Variants in SENP1 observed in about 807,000 individuals in gnomAD.
SENP1 encodes sentrin-specific protease 1.
A neutral mutation model predicts 93.0 loss-of-function variants in SENP1; 21 were observed. The observed-to-expected ratio is 0.23, with a 90% CI of 0.16 to 0.33. SENP1 has a LOEUF of 0.33. Ranked by LOEUF, SENP1 falls within the 10% of genes least tolerant of loss-of-function variation. The probability of loss-of-function intolerance (pLI) is 1.00; values close to 1 mark genes in which losing one functional copy is unlikely to be tolerated. For synonymous variants in SENP1, 256 were observed against 259.6 expected (o/e 0.99, Z 0.13); for missense variants, 591 against 758.7 (o/e 0.78, Z 2.60).
chr12:48,050,312 C>T (rs915212459), intron 13 of SENP1, among the ~76,000 whole-genome samples: 5 of 152,198 alleles, frequency 3.3e-5, no homozygotes, highest in Non-Finnish European at 4.4e-5. Context: ...CAGTAAGCAA[C>T]GACATACTGG....
intron 4 of SENP1, among the ~76,000 whole-genome samples, chr12:48,092,503 C>T (rs1945285375): frequency 6.6e-6 from 1 of 152,058 alleles, no homozygotes; most frequent in African/African-American, 2.4e-5. Flanking sequence ...AGAAAGGGAC[C>T]TTTGATGTCT....
At chr12:48,064,063 C>T (rs1031829130) in intron 12 of SENP1, among the ~76,000 whole-genome samples, 1 of 152,152 alleles carries the variant, frequency 6.6e-6, no homozygotes, top group Non-Finnish European at 1.5e-5. Context: ...TCTTTTTCAG[C>T]ACAACATTCA....
chr12:48,079,916 C>T (rs937439243), intron 6 of SENP1, among the ~76,000 whole-genome samples: 1 of 152,098 alleles, frequency 6.6e-6, no homozygotes. Context: ...GTCCCAAATG[C>T]TTGACTTATG....
intron 6 of SENP1, among the ~76,000 whole-genome samples, chr12:48,078,342 CATAT>C (rs1221230274): frequency 1.9e-4 from 4 of 21,550 alleles, no homozygotes; most frequent in Non-Finnish European, 4.4e-4. Context: ...TATACACACA[CATAT>C]ATATATACAC....
intron 4 of SENP1, among the ~76,000 whole-genome samples, chr12:48,094,790 AT>A (rs1945444828): frequency 6.6e-6 from 1 of 152,186 alleles, no homozygotes; most frequent in African/African-American, 2.4e-5. Flanking sequence ...TTATTAAGTA[AT>A]TGTTTTTAAC....
At chr12:48,088,535 A>C in intron 5 of SENP1, 1 of 415,444 alleles carries the variant, frequency 2.4e-6, no homozygotes, top group Non-Finnish European at 4.3e-6. Context: ...CAAGAGCCAT[A>C]TTGATCTTGA....
At chr12:48,089,274 A>T (rs1451840653) in intron 4 of SENP1, 1 of 1,384,954 alleles carries the variant, frequency 7.2e-7, no homozygotes, top group East Asian at 4.1e-5. Context: ...TATATCTTGC[A>T]AGCACTCCCA....
At chr12:48,047,121 A>ATTCTTAGTGTGGCAG in intron 15 of SENP1, 59 bp from the exon 16 acceptor site, 1 of 1,057,528 alleles carries the variant, frequency 9.5e-7, no homozygotes, top group Non-Finnish European at 1.5e-6. Context: ...CAGCTGCCAC[A>ATTCTTAGTGTGGCAG]CTAAGAATGG....
chr12:48,046,845 C>T lies in SENP1; in HGVS notation c.1776+133G>A, dbSNP rs929658703. 3 of 626,984 alleles carry T rather than the reference C, an allele frequency of 4.8e-6. No individual in the cohort carries two copies. In the African/African-American group the frequency reaches 5.5e-5, roughly 12 times the overall value. The allele number at this position is 626,984 out of a possible 1,614,324, so 38.8% of individuals were successfully genotyped here. A position where few individuals can be genotyped will look rare whatever the true frequency, so the allele number is the denominator to read the frequency against. ...TACGGATAGCTTAATTTATCCTCCC[C>T]CAGAAACCAACCAACCAAGCTGAAG... On this transcript the variant is annotated intron_variant, in intron 16 of 17. Transcript: ENST00000549518.
chr12:48,049,458 A>G (rs1159755196), intron 13 of SENP1, among the ~76,000 whole-genome samples: 5 of 152,322 alleles, frequency 3.3e-5, no homozygotes, highest in Middle Eastern at 3.4e-3. Flanking sequence ...AGGCTTACAG[A>G]AAAGGAGAGG....
At chr12:48,058,492 C>T (rs1942738623) in intron 13 of SENP1, among the ~76,000 whole-genome samples, 1 of 151,932 alleles carries the variant, frequency 6.6e-6, no homozygotes, top group Non-Finnish European at 1.5e-5. Context: ...ATATATCTTG[C>T]TTTTAATTTT....
chr12:48,058,848 T>C (rs941007585), intron 13 of SENP1, among the ~76,000 whole-genome samples: 2 of 152,180 alleles, frequency 1.3e-5, no homozygotes, highest in Non-Finnish European at 2.9e-5. Flanking sequence ...ATGCATTTGT[T>C]TGTCTGGAAA....
At chr12:48,046,007 A>G (rs2136728466) in intron 17 of SENP1, among the ~76,000 whole-genome samples, 1 of 152,308 alleles carries the variant, frequency 6.6e-6, no homozygotes, top group East Asian at 1.9e-4. Context: ...GGTATGGCCT[A>G]TTCCCAAACC....
At chr12:48,076,974 T>C (rs749572640) in intron 6 of SENP1, among the ~76,000 whole-genome samples, 45 of 152,156 alleles carry the variant, frequency 3.0e-4, no homozygotes, top group Non-Finnish European at 6.0e-4. Context: ...CTTGGTCTCC[T>C]TCCACCCTCC....
At chr12:48,093,509 C>G (rs1239856102) in intron 4 of SENP1, among the ~76,000 whole-genome samples, 2 of 151,842 alleles carry the variant, frequency 1.3e-5, no homozygotes, top group Non-Finnish European at 2.9e-5. Context: ...GTCTCGAATG[C>G]CTGACCTCCG....
chr12:48,099,930 T>C (rs1945809643), intron 2 of SENP1, among the ~76,000 whole-genome samples: 1 of 152,222 alleles, frequency 6.6e-6, no homozygotes, highest in Non-Finnish European at 1.5e-5. Context: ...AGAACCATTT[T>C]TGATACCTTT....
At chr12:48,057,477 G>A (rs144205427) in intron 13 of SENP1, among the ~76,000 whole-genome samples, 8,706 of 148,464 alleles carry the variant, frequency 0.059, 338 homozygotes, top group Non-Finnish European at 0.093. Flanking sequence ...TGATCCACCT[G>A]CCTCTGCCTC....
At chr12:48,072,350 T>C (rs1415161837) in intron 8 of SENP1, among the ~76,000 whole-genome samples, 2 of 152,058 alleles carry the variant, frequency 1.3e-5, no homozygotes, top group African/African-American at 4.8e-5. Context: ...CTTAATAATG[T>C]CCCCAAAAGG....
At chr12:48,082,038 C>T (rs376589027) in intron 6 of SENP1, among the ~76,000 whole-genome samples, 4 of 151,898 alleles carry the variant, frequency 2.6e-5, no homozygotes, top group Non-Finnish European at 5.9e-5. Context: ...TACAGGCGCC[C>T]GCCACCACGC....
Sources: allele counts gnomAD v4.1 joint callset (sites outside exome capture counted in the v4.1 genomes callset), GRCh38; gene constraint gnomAD v4.1.1; transcripts MANE v1.5; gene names NCBI Gene and HGNC (gene_info 2026-07-23, HGNC 2026-07-21).